NLE1: variants seen among roughly 807,000 people sequenced by gnomAD.
The protein encoded by NLE1 is notchless protein homolog 1.
A neutral mutation model predicts 62.8 loss-of-function variants in NLE1; 37 were observed. The ratio of observed to expected loss-of-function variants is 0.59; its 90% CI spans 0.45 to 0.78. The LOEUF (loss-of-function observed/expected upper bound fraction) is 0.78, where lower values mean the gene tolerates loss of function less well. Among genes scored for constraint, NLE1 ranks in the 30% least tolerant of loss-of-function variants. NLE1 has a pLI of 0.00. For synonymous variants in NLE1, 243 were observed against 253.0 expected, an observed-to-expected ratio of 0.96 and a Z score of 0.37; for missense variants, 555 against 637.9, an observed-to-expected ratio of 0.87 and a Z score of 1.40.
At chr17:35,135,129 G>A in intron 10 of NLE1, 120 bp downstream of exon 10, 4 of 901,642 alleles carry the variant, frequency 4.4e-6, no homozygotes, top group Non-Finnish European at 7.3e-6. Flanking sequence ...TATTACCAAA[G>A]AGGAAACAGT....
At position 35,142,134 on chromosome 17, in the gene NLE1, A is replaced by C. The variant is rs767439165; in HGVS notation, c.19-12T>G. 2 of 1,610,066 alleles carry C rather than the reference A, an allele frequency of 1.2e-6. No individual in the cohort carries two copies. The highest frequency in any genetic ancestry group is 1.7e-6 in the Non-Finnish European group (2 of 1,178,856). The stretch of plus-strand genomic sequence containing the variant: ...GCCACCGCCTCGTCCTGCGCGAGCA[A>C]GTGGGGCGGGAGTCAGTCTGGTCGC... On this transcript the variant is annotated splice_polypyrimidine_tract_variant and intron_variant, in intron 1 of 12. Transcript: ENST00000442241.
Position 35,133,232 on chromosome 17 carries a change from C to T in NLE1, c.1384G>A (p.Val462Ile), listed in dbSNP as rs1284854222. The change falls in exon 12 of 13, where the codon GTT (valine) becomes ATT (isoleucine). Residue 462 changes from valine to isoleucine, a missense_variant. Physicochemically the swap from Val to Ile is conservative, Grantham distance 29. Coordinates refer to ENST00000442241, the MANE Select transcript of NLE1 (RefSeq NM_018096.5). ...CTCTGGCCATCTGGACTCCAGTCAACAGCATATACCTAAAGGGAGGCAGAG... is the reference window on the plus strand; with the variant it reads ...CTCTGGCCATCTGGACTCCAGTCAATAGCATATACCTAAAGGGAGGCAGAG... Reference protein sequence around the residue: ...LPGHADEVYAVDWSPDGQRVA... With the variant: ...LPGHADEVYAIDWSPDGQRVA... 3.1e-6 allele frequency: 5 copies of T among 1,614,096 alleles called. No homozygotes were observed.
chr17:35,134,135 C>A (rs2091894357), intron 10 of NLE1, among the ~76,000 whole-genome samples: 2 of 152,168 alleles, frequency 1.3e-5, no homozygotes, highest in South Asian at 4.1e-4. Context: ...CAAGGGTTCC[C>A]ATACTTGAGT....
In NLE1 at chr17:35,129,132, C is replaced by T; in HGVS notation, c.*3305G>A. 2.8e-6 allele frequency: 1 copy of T among 351,290 alleles called. No individual in the cohort carries two copies. The highest frequency in any genetic ancestry group is 4.0e-5 in the South Asian group (1 of 25,034). The allele number at this position is 351,290 out of a possible 1,614,324, so 21.8% of individuals were successfully genotyped here. A position where few individuals can be genotyped will look rare whatever the true frequency, so the allele number is the denominator to read the frequency against. ...CTGTGCTATCCAGTTCCTAACAGGC[C>T]ATGGACTGCTATCAGTTGGTGGCCC... On this transcript the variant is annotated 3_prime_UTR_variant, in exon 13 of 13. Transcript: ENST00000442241.
In NLE1 at chr17:35,130,411, C is replaced by T. The variant is rs762728015; in HGVS notation, c.*2026G>A. On this transcript the variant is annotated 3_prime_UTR_variant, in exon 13 of 13. Coordinates refer to ENST00000442241, the MANE Select transcript of NLE1 (RefSeq NM_018096.5). Reference sequence around the variant, plus strand: ...GGAGGAGATGCGGAGGCTGGAGGATCTGGAATACCTATTTCCCTGTTAAGG... The same window carrying T: ...GGAGGAGATGCGGAGGCTGGAGGATTTGGAATACCTATTTCCCTGTTAAGG... 1 of 1,614,020 alleles carries T rather than the reference C, an allele frequency of 6.2e-7. No homozygotes were observed.
chr17:35,140,015 A>G lies in NLE1; in HGVS notation c.214T>C (p.Ser72Pro). The change falls in exon 3 of 13, where the codon TCA (serine) becomes CCA (proline). Residue 72 changes from serine (S) to proline (P), a missense_variant. Transcript: ENST00000442241. ...FFVHDAEIVS[S>P]LGKTLESQAV... ...TGGGACTCCAACGTCTTCCCCAGTG[A>G]GGAGACGATCTCAGCATCGTGGACA... The G allele has an allele frequency of 6.2e-7, 1 of 1,613,998 alleles. No individual in the cohort carries two copies. Among genetic ancestry groups the G allele is most frequent in the Non-Finnish European group, 8.5e-7 (1 of 1,179,974 alleles).
intron 3 of NLE1, 162 bp downstream of exon 3, chr17:35,139,687 G>A (rs944691949): frequency 4.1e-6 from 4 of 967,806 alleles, no homozygotes; most frequent in African/African-American, 1.6e-5. Flanking sequence ...TGGGGACCAT[G>A]CCCTACTGAG....
At chr17:35,140,327 C>T (rs1402558504) in intron 2 of NLE1, among the ~76,000 whole-genome samples, 2 of 152,120 alleles carry the variant, frequency 1.3e-5, no homozygotes, top group East Asian at 3.9e-4. Context: ...GTCCTGGGTT[C>T]AAGAGATTCT....
chr17:35,138,410 GC>G lies in NLE1; in HGVS notation c.461-521del, dbSNP rs2091922532. Among the ~76,000 whole-genome samples, 8 of 152,212 alleles carry G rather than the reference GC, an allele frequency of 5.3e-5. No homozygotes were observed. In the South Asian group the frequency reaches 1.7e-3, roughly 32 times the overall value. On this transcript the variant is annotated intron_variant, in intron 4 of 12. Coordinates refer to ENST00000442241, the MANE Select transcript of NLE1 (RefSeq NM_018096.5). ...ATAGAACTAAACCTCTGGGGGTGGG[GC>G]CCAGCAATCTGTATTTTTTTCTCTC...
In NLE1 at chr17:35,132,348, C is replaced by T. The variant is rs1410871420; in HGVS notation, c.*89G>A. On this transcript the variant is annotated 3_prime_UTR_variant, in exon 13 of 13. Transcript: ENST00000442241. ...TCCCCACTGGTGGGGAGGGTGTGTG[C>T]ACTGCCATCTCAGCCTTTGTTCTCT... 8 of 1,197,376 alleles carry T rather than the reference C, an allele frequency of 6.7e-6. No homozygotes were observed. Among genetic ancestry groups the T allele is most frequent in the Non-Finnish European group, 9.0e-6 (8 of 890,596 alleles). The allele number at this position is 1,197,376 out of a possible 1,614,324, so 74.2% of individuals were successfully genotyped here.
Position 35,129,684 on chromosome 17 carries a change from T to TG in NLE1, c.*2752dup. 1 of 1,607,444 alleles carries TG rather than the reference T, an allele frequency of 6.2e-7. No individual in the cohort carries two copies. Among genetic ancestry groups the TG allele is most frequent in the Non-Finnish European group, 8.5e-7 (1 of 1,177,398 alleles). On this transcript the variant is annotated 3_prime_UTR_variant, in exon 13 of 13. Coordinates refer to ENST00000442241, the MANE Select transcript of NLE1 (RefSeq NM_018096.5). ...GTGAGCCCTGGGAAAAGAGGGGCCTTGGGGGTGGAGAGAAGTCCAAAGCCA... is the reference window on the plus strand; with the variant it reads ...GTGAGCCCTGGGAAAAGAGGGGCCTTGGGGGGTGGAGAGAAGTCCAAAGCCA...
Position 35,139,220 on chromosome 17 carries a change from TA to T in NLE1, c.460+14del. The T allele has an allele frequency of 1.9e-6, 3 of 1,611,500 alleles. No individual in the cohort carries two copies. Among genetic ancestry groups the T allele is most frequent in the Non-Finnish European group, 2.5e-6 (3 of 1,178,086 alleles). On this transcript the variant is annotated intron_variant, in intron 4 of 12. Transcript: ENST00000442241. ...AAAAAAAGAAGACCCCCTAAATGGCTAATTGCATACTGACCCTTGCATGTGA... is the reference window on the plus strand; with the variant it reads ...AAAAAAAGAAGACCCCCTAAATGGCTATTGCATACTGACCCTTGCATGTGA...
Position 35,139,952 on chromosome 17 carries a change from G to C in NLE1, c.277C>G (p.Gln93Glu). The C allele has an allele frequency of 6.2e-7, 1 of 1,614,198 alleles. No individual in the cohort carries two copies. Among genetic ancestry groups the C allele is most frequent in the East Asian group, 2.2e-5 (1 of 44,882 alleles). Residue 93 changes from glutamine to glutamate, a missense_variant, in exon 3 of 13, where the codon CAG becomes GAG. Gln to Glu is a conservative substitution (Grantham distance 29, BLOSUM62 2). Coordinates refer to ENST00000442241, the MANE Select transcript of NLE1 (RefSeq NM_018096.5). The stretch of plus-strand genomic sequence containing the variant: ...CGGACTCTGAAGATAGCCTGTGGCT[G>C]GTAGATGATGTCTAGGACCTTCTCT... ...ETEKVLDIIY[Q>E]PQAIFRVRAV...
chr17:35,132,300 A>G lies in NLE1; in HGVS notation c.*137T>C. 1.5e-6 allele frequency: 1 copy of G among 657,416 alleles called. No homozygotes were observed. Among genetic ancestry groups the G allele is most frequent in the Non-Finnish European group, 2.3e-6 (1 of 431,228 alleles). 40.7% of individuals were successfully genotyped at this position (657,416 alleles called of 1,614,324 possible). ...AACCCCATTCCGGTCTATCGAGGAC[A>G]GCAGGCCACACGCATTCTCAGGTCC... On this transcript the variant is annotated 3_prime_UTR_variant, in exon 13 of 13. Coordinates refer to ENST00000442241, the MANE Select transcript of NLE1 (RefSeq NM_018096.5).
intron 2 of NLE1, among the ~76,000 whole-genome samples, chr17:35,141,777 C>G (rs933765657): frequency 6.6e-6 from 1 of 152,210 alleles, no homozygotes; most frequent in African/African-American, 2.4e-5. Context: ...AGCTAGGCCC[C>G]TCTCCGCAGG....
intron 7 of NLE1, 91 bp from the exon 8 acceptor site, chr17:35,136,588 C>T (rs1468853956): frequency 6.9e-6 from 10 of 1,451,546 alleles, no homozygotes; most frequent in Non-Finnish European, 9.4e-6. Context: ...GACTAATAAT[C>T]ATCATCACTC....
At chr17:35,136,874 C>G (rs2091911973) in intron 7 of NLE1, 127 bp downstream of exon 7, 5 of 937,140 alleles carry the variant, frequency 5.3e-6, no homozygotes, top group Non-Finnish European at 8.2e-6. Context: ...AAAACACCTC[C>G]CTAGACCAGG....
rs1218835337 is a variant in NLE1, at chr17:35,129,044, G to A, written c.*3393C>T. 9.6e-6 allele frequency: 2 copies of A among 207,422 alleles called. No individual in the cohort carries two copies. The highest frequency in any genetic ancestry group is 2.1e-4 in the East Asian group (2 of 9,306). The allele number at this position is 207,422 out of a possible 1,614,324, so 12.8% of individuals were successfully genotyped here. A position where few individuals can be genotyped will look rare whatever the true frequency, so the allele number is the denominator to read the frequency against. The stretch of plus-strand genomic sequence containing the variant: ...AGGCAGAGCTCAGGTGGTACCCTGA[G>A]CCGTGGGGAGCAGCTGTAAATACAG... On this transcript the variant is annotated 3_prime_UTR_variant, in exon 13 of 13. Coordinates refer to ENST00000442241, the MANE Select transcript of NLE1 (RefSeq NM_018096.5).
chr17:35,141,108 C>T (rs998360053), intron 2 of NLE1, among the ~76,000 whole-genome samples: 2 of 152,200 alleles, frequency 1.3e-5, no homozygotes, highest in African/African-American at 4.8e-5. Context: ...GTGTAAAAAG[C>T]TCCCAAAACG....
Sources: allele counts gnomAD v4.1 joint callset (sites outside exome capture counted in the v4.1 genomes callset), GRCh38; gene constraint gnomAD v4.1.1; transcripts MANE v1.5; gene names NCBI Gene and HGNC (gene_info 2026-07-23, HGNC 2026-07-21).